The following TBC1D23 variants were observed in gnomAD, a reference collection of about 807,000 sequenced individuals.
TBC1D23 encodes HCV non-structural protein 4A-transactivated protein 1.
Under a neutral mutation model 91.4 loss-of-function variants are expected in TBC1D23, and 55 were observed. The observed-to-expected ratio is 0.60, with a 90% confidence interval of 0.48 to 0.75. TBC1D23 has a LOEUF of 0.75. Ranked by LOEUF, TBC1D23 falls within the 30% of genes least tolerant of loss-of-function variation. The probability of loss-of-function intolerance (pLI) is 0.00; values close to 1 mark genes in which losing one functional copy is unlikely to be tolerated. For synonymous variants in TBC1D23, 289 were observed against 281.0 expected, an observed-to-expected ratio of 1.03 and a Z score of -0.28; for missense variants, 725 against 836.1, an observed-to-expected ratio of 0.87 and a Z score of 1.64.
chr3:100,296,323 A>G, intron 8 of TBC1D23, 48 bp downstream of exon 8: 2 of 1,039,850 alleles, frequency 1.9e-6, no homozygotes, highest in Non-Finnish European at 2.9e-6. Context: ...TATTTTGTAC[A>G]TTGTTTTATT....
chr3:100,296,181 A>T lies in TBC1D23; in HGVS notation c.782A>T (p.Glu261Val). ...GTCTATAATATTTCAGAGTTCTTGG[A>T]AAATACTCCATCCAGTCTGAATATA... is the stretch of plus-strand genomic sequence containing the variant. ...DSKEEVIKFL[E>V]NTPSSLNIED... The change falls in exon 8 of 19, where the codon GAA (glutamate) becomes GTA (valine). Residue 261 changes from glutamate (E) to valine (V), a missense_variant. Physicochemically the swap from Glu to Val is moderately radical, Grantham distance 121. Coordinates refer to ENST00000394144, the MANE Select transcript of TBC1D23 (RefSeq NM_001199198.3). The T allele has an allele frequency of 6.4e-7, 1 of 1,566,498 alleles. No homozygotes were observed. The highest frequency in any genetic ancestry group is 8.7e-7 in the Non-Finnish European group (1 of 1,154,434).
chr3:100,307,834 A>G (rs943100297), intron 13 of TBC1D23, among the ~76,000 whole-genome samples: 7 of 152,194 alleles, frequency 4.6e-5, no homozygotes, highest in African/African-American at 1.7e-4. Context: ...TCTGTTACAA[A>G]CACTATTTAA....
chr3:100,285,547 A>T (rs909439239), intron 4 of TBC1D23, among the ~76,000 whole-genome samples: 1 of 152,200 alleles, frequency 6.6e-6, no homozygotes, highest in Non-Finnish European at 1.5e-5. Flanking sequence ...GAACGTTCAT[A>T]TACAAGTTTT....
At chr3:100,284,834 G>T (rs1026083855) in intron 4 of TBC1D23, among the ~76,000 whole-genome samples, 1 of 152,140 alleles carries the variant, frequency 6.6e-6, no homozygotes, top group African/African-American at 2.4e-5. Flanking sequence ...GAACTATTGG[G>T]GGAGCTCTTA....
rs1459504537 is a variant in TBC1D23 at position 100,325,166 on chromosome 3, A to G, written c.*1498A>G. On this transcript the variant is annotated 3_prime_UTR_variant, in exon 19 of 19. Transcript: ENST00000394144. ...ATTTCAGCCATGGGACATTTTTCAT[A>G]ATATTAATGTAAAGATGTTTGTGTT... is the stretch of plus-strand genomic sequence containing the variant. 1 of 152,194 alleles carries G rather than the reference A, an allele frequency of 6.6e-6. No individual in the cohort carries two copies. The highest frequency in any genetic ancestry group is 1.5e-5 in the Non-Finnish European group (1 of 68,028). 9.4% of individuals were successfully genotyped at this position (152,194 alleles called of 1,614,324 possible).
chr3:100,262,801 A>G (rs1455533633), intron 1 of TBC1D23, among the ~76,000 whole-genome samples: 3 of 152,016 alleles, frequency 2.0e-5, no homozygotes, highest in Non-Finnish European at 4.4e-5. Context: ...ATATTTCAAC[A>G]TGTAATCATT....
At position 100,311,303 on chromosome 3, in the gene TBC1D23, G is replaced by A. The variant is rs145211919; in HGVS notation, c.1554-530G>A. On this transcript the variant is annotated intron_variant, in intron 14 of 18. Coordinates refer to ENST00000394144, the MANE Select transcript of TBC1D23 (RefSeq NM_001199198.3). ...TTTACTTTAAGAATTGAATGTCAGGGATTTGTTGTCTGTCCCTTTATTAAG... is the reference window on the plus strand; with the variant it reads ...TTTACTTTAAGAATTGAATGTCAGGAATTTGTTGTCTGTCCCTTTATTAAG... Among the ~76,000 whole-genome samples the A allele has an allele frequency of 7.9e-5, 12 of 152,280 alleles. No homozygotes were observed. In the East Asian group the frequency reaches 2.3e-3, roughly 29 times the overall value.
chr3:100,290,726 T>A, intron 5 of TBC1D23, 25 bp downstream of exon 5: 1 of 1,551,186 alleles, frequency 6.4e-7, no homozygotes, highest in Non-Finnish European at 8.7e-7. Context: ...GTAGGAACAT[T>A]TAATGAAAAA....
intron 1 of TBC1D23, among the ~76,000 whole-genome samples, chr3:100,274,107 C>A (rs2067625507): frequency 1.3e-5 from 2 of 151,928 alleles, no homozygotes; most frequent in South Asian, 4.1e-4. Context: ...TGGCAAAATT[C>A]TTTAAAATGA....
At chr3:100,313,711 ATAT>A (rs1705671870) in intron 15 of TBC1D23, among the ~76,000 whole-genome samples, 2 of 152,134 alleles carry the variant, frequency 1.3e-5, no homozygotes, top group African/African-American at 4.8e-5. Flanking sequence ...ATTGTGCTTA[ATAT>A]TAGGAGAAAA....
rs749792239 is a variant in TBC1D23, at chr3:100,295,037, A to T, written c.601-50A>T. ...CATTTGCTTTAATACTTTTAAGAGA[A>T]CAAGTCACCTCCAGTGGTTTATGTC... On this transcript the variant is annotated intron_variant, in intron 5 of 18. Transcript: ENST00000394144. 7.3e-6 allele frequency: 11 copies of T among 1,509,502 alleles called. No homozygotes were observed. In the Admixed American group the frequency reaches 2.1e-4, roughly 29 times the overall value. The allele number at this position is 1,509,502 out of a possible 1,614,324, so 93.5% of individuals were successfully genotyped here. A position where few individuals can be genotyped will look rare whatever the true frequency, so the allele number is the denominator to read the frequency against.
chr3:100,279,283 G>C (rs1382034490), intron 1 of TBC1D23, among the ~76,000 whole-genome samples: 2 of 152,250 alleles, frequency 1.3e-5, no homozygotes, highest in East Asian at 3.9e-4. Flanking sequence ...GGATTAAAAA[G>C]AACACATAAA....
At chr3:100,323,123 A>G (rs899099483) in intron 18 of TBC1D23, among the ~76,000 whole-genome samples, 3 of 152,246 alleles carry the variant, frequency 2.0e-5, no homozygotes, top group Admixed American at 6.5e-5. Flanking sequence ...GCTACTTTTT[A>G]TATAGGAATC....
At chr3:100,320,221 T>A (rs2148874040) in intron 17 of TBC1D23, among the ~76,000 whole-genome samples, 1 of 151,886 alleles carries the variant, frequency 6.6e-6, no homozygotes, top group South Asian at 2.1e-4. Context: ...CTGATAACTG[T>A]CGTATTGTAT....
At chr3:100,289,557 T>A (rs1229157654) in intron 4 of TBC1D23, among the ~76,000 whole-genome samples, 1 of 152,082 alleles carries the variant, frequency 6.6e-6, no homozygotes. Context: ...CTCCAAGGGT[T>A]TGTTATCTCT....
chr3:100,296,335 C>G (rs2067839736), intron 8 of TBC1D23, 60 bp downstream of exon 8: 1 of 954,240 alleles, frequency 1.0e-6, no homozygotes. Flanking sequence ...TGTTTTATTA[C>G]TTTATATTCA....
intron 1 of TBC1D23, among the ~76,000 whole-genome samples, chr3:100,272,547 G>C (rs553032206): frequency 2.4e-4 from 36 of 152,150 alleles, no homozygotes; most frequent in Non-Finnish European, 4.7e-4. Flanking sequence ...TAGGTGGAAC[G>C]AGAGACTTGG....
intron 13 of TBC1D23, among the ~76,000 whole-genome samples, chr3:100,308,881 G>C (rs1297584977): frequency 6.6e-6 from 1 of 152,210 alleles, no homozygotes; most frequent in Non-Finnish European, 1.5e-5. Flanking sequence ...CCATCACGAA[G>C]TTGCCTTCTA....
chr3:100,312,091 G>A (rs1426170142), intron 15 of TBC1D23, among the ~76,000 whole-genome samples: 3 of 152,042 alleles, frequency 2.0e-5, no homozygotes, highest in East Asian at 3.9e-4. Context: ...TTTCCTGCAT[G>A]CTTGTTTGTA....
Sources: gnomAD v4.1 joint callset for allele counts (sites outside exome capture counted in the v4.1 genomes callset) on GRCh38, gnomAD v4.1.1 for gene constraint, MANE v1.5 for transcripts, NCBI Gene and HGNC (gene_info 2026-07-23, HGNC 2026-07-21) for gene names.